The following ARHGAP19 variants were observed in gnomAD, a reference collection of about 807,000 sequenced individuals.
The protein encoded by ARHGAP19 is Rho GTPase activating protein 19, also known as rho GTPase-activating protein 19.
Under a neutral mutation model 60.9 loss-of-function variants are expected in ARHGAP19, and 48 were observed. The ratio of observed to expected loss-of-function variants is 0.79; its 90% CI spans 0.62 to 1.00. The LOEUF (loss-of-function observed/expected upper bound fraction) is 1.00, where lower values mean the gene tolerates loss of function less well. ARHGAP19 is among the 50% of genes least tolerant of loss of function. The probability of loss-of-function intolerance (pLI) is 0.00; values close to 1 mark genes in which losing one functional copy is unlikely to be tolerated. For missense variants in ARHGAP19, 562 were observed against 597.2 expected, an observed-to-expected ratio of 0.94 and a Z score of 0.61; for synonymous variants, 209 against 215.5, an observed-to-expected ratio of 0.97 and a Z score of 0.27.
At chr10:97,233,525 A>T (rs996042958) in intron 9 of ARHGAP19, among the ~76,000 whole-genome samples, 1 of 152,212 alleles carries the variant, frequency 6.6e-6, no homozygotes, top group African/African-American at 2.4e-5. Flanking sequence ...AGCCATCCTC[A>T]GCAAACTAAC....
rs148652209 is a variant in ARHGAP19, at chr10:97,273,455, G to A, written c.57-7330C>T. ...TGGAATTATAGGCATGAGCCACCACGCCCAGCCTATTTCATTAATTTCTGC... is the reference window on the plus strand; with the variant it reads ...TGGAATTATAGGCATGAGCCACCACACCCAGCCTATTTCATTAATTTCTGC... On this transcript the variant is annotated intron_variant, in intron 1 of 11. Coordinates refer to ENST00000358531, the MANE Select transcript of ARHGAP19 (RefSeq NM_032900.6). Among the ~76,000 whole-genome samples the A allele has an allele frequency of 2.0e-4, 28 of 139,966 alleles. 1 individual carries two copies. The highest frequency in any genetic ancestry group is 4.4e-3 in the Middle Eastern group (1 of 226). 91.8% of individuals were successfully genotyped at this position (139,966 alleles called of 152,430 possible). A position where few individuals can be genotyped will look rare whatever the true frequency, so the allele number is the denominator to read the frequency against.
chr10:97,248,455 A>G (rs1842594871), intron 6 of ARHGAP19, among the ~76,000 whole-genome samples: 1 of 152,146 alleles, frequency 6.6e-6, no homozygotes, highest in Non-Finnish European at 1.5e-5. Flanking sequence ...TAAGAAAAAA[A>G]GAAATACAAA....
chr10:97,267,910 A>G (rs1564725299), intron 1 of ARHGAP19, among the ~76,000 whole-genome samples: 1 of 152,250 alleles, frequency 6.6e-6, no homozygotes, highest in South Asian at 2.1e-4. Context: ...GCTGCTACAA[A>G]GGTCTCTGGC....
intron 9 of ARHGAP19, among the ~76,000 whole-genome samples, chr10:97,231,312 A>G (rs1249367438): frequency 6.6e-6 from 1 of 152,144 alleles, no homozygotes. Context: ...TGAACATAAC[A>G]TAAAATTTAC....
intron 1 of ARHGAP19, among the ~76,000 whole-genome samples, chr10:97,286,829 T>G (rs560884365): frequency 1.3e-5 from 2 of 152,392 alleles, no homozygotes; most frequent in African/African-American, 4.8e-5. Flanking sequence ...ATTTCCCTAC[T>G]GCCAATTATG....
At chr10:97,226,198 C>T in intron 11 of ARHGAP19, 66 bp from the exon 12 acceptor site, 2 of 1,541,042 alleles carry the variant, frequency 1.3e-6, no homozygotes, top group Non-Finnish European at 1.8e-6. Context: ...AAACATCCCA[C>T]TCAAAAGCTA....
At chr10:97,266,225 G>T in intron 1 of ARHGAP19, 100 bp from the exon 2 acceptor site, 1 of 1,405,196 alleles carries the variant, frequency 7.1e-7, no homozygotes, top group Non-Finnish European at 9.7e-7. Context: ...CAAAGGCAGA[G>T]GTTTCCTTAT....
intron 1 of ARHGAP19, among the ~76,000 whole-genome samples, chr10:97,284,237 C>T (rs1001364205): frequency 1.3e-5 from 2 of 152,158 alleles, no homozygotes; most frequent in Non-Finnish European, 2.9e-5. Flanking sequence ...ATTCTCTTGC[C>T]TCAGCCTCTT....
chr10:97,235,151 T>A, intron 9 of ARHGAP19, 66 bp downstream of exon 9: 1 of 1,458,294 alleles, frequency 6.9e-7, no homozygotes, highest in Non-Finnish European at 9.5e-7. Flanking sequence ...TTTTTATGCA[T>A]AAGAAAAATC....
At chr10:97,292,294 C>T (rs918986322) in intron 1 of ARHGAP19, among the ~76,000 whole-genome samples, 1 of 152,238 alleles carries the variant, frequency 6.6e-6, no homozygotes, top group African/African-American at 2.4e-5. Flanking sequence ...TGTCTCGGCG[C>T]CAAAGCGATC....
At chr10:97,242,193 A>G (rs1035532182) in intron 8 of ARHGAP19, among the ~76,000 whole-genome samples, 2 of 151,144 alleles carry the variant, frequency 1.3e-5, no homozygotes, top group African/African-American at 4.8e-5. Flanking sequence ...GAAAAAGACC[A>G]AAAGAAATGC....
chr10:97,246,564 T>C (rs1310096413), intron 6 of ARHGAP19, among the ~76,000 whole-genome samples: 2 of 152,148 alleles, frequency 1.3e-5, no homozygotes, highest in African/African-American at 4.8e-5. Context: ...AATGTAGTTG[T>C]TGCCACTTTA....
intron 8 of ARHGAP19, among the ~76,000 whole-genome samples, chr10:97,242,893 A>G (rs1288030641): frequency 6.6e-6 from 1 of 151,362 alleles, no homozygotes; most frequent in Non-Finnish European, 1.5e-5. Flanking sequence ...CAGGTGATCC[A>G]CCCGCCTAGG....
chr10:97,280,483 G>C (rs1201773445), intron 1 of ARHGAP19, among the ~76,000 whole-genome samples: 12 of 151,938 alleles, frequency 7.9e-5, no homozygotes, highest in African/African-American at 2.9e-4. Flanking sequence ...AAGTTCTATA[G>C]GATGCTTCAC....
chr10:97,232,506 TAGG>T (rs1466309217), intron 9 of ARHGAP19, among the ~76,000 whole-genome samples: 1 of 152,132 alleles, frequency 6.6e-6, no homozygotes. Context: ...TGTTGAGTTA[TAGG>T]AGTTCTTTAG....
intron 1 of ARHGAP19, among the ~76,000 whole-genome samples, chr10:97,282,825 G>T (rs1255019156): frequency 0.027 from 3,970 of 144,472 alleles, 168 homozygotes; most frequent in African/African-American, 0.091. Flanking sequence ...AAAGTACTAT[G>T]TAGTTTCTTT....
intron 8 of ARHGAP19, among the ~76,000 whole-genome samples, chr10:97,242,503 TTTTTGTTTTG>T (rs1360640641): frequency 6.6e-6 from 1 of 151,630 alleles, no homozygotes; most frequent in Non-Finnish European, 1.5e-5. Context: ...CCGGCTAATT[TTTTTGTTTTG>T]TTTTGTTTTG....
intron 6 of ARHGAP19, among the ~76,000 whole-genome samples, chr10:97,254,904 T>C (rs1842733538): frequency 6.6e-6 from 1 of 152,190 alleles, no homozygotes. Flanking sequence ...GGAAATCCTG[T>C]CACATGCTAC....
chr10:97,282,768 C>G (rs1843101544), intron 1 of ARHGAP19, among the ~76,000 whole-genome samples: 1 of 151,724 alleles, frequency 6.6e-6, no homozygotes, highest in Admixed American at 6.6e-5. Context: ...TTCCTTGTTA[C>G]TCGAATCCCC....
Sources: gnomAD v4.1 joint callset for allele counts (sites outside exome capture counted in the v4.1 genomes callset) on GRCh38, gnomAD v4.1.1 for gene constraint, MANE v1.5 for transcripts, NCBI Gene and HGNC (gene_info 2026-07-23, HGNC 2026-07-21) for gene names.